The following CNNM2 variants were observed in gnomAD, a reference collection of about 807,000 sequenced individuals.
CNNM2 encodes metal transporter CNNM2.
Under a neutral mutation model 66.9 loss-of-function variants are expected in CNNM2, and 12 were observed. The observed-to-expected ratio is 0.18, with a 90% CI of 0.11 to 0.29. The LOEUF is 0.29. Ranked by LOEUF, CNNM2 falls within the 10% of genes least tolerant of loss-of-function variation. The pLI is 1.00. For synonymous variants in CNNM2, 557 were observed against 501.8 expected, an observed-to-expected ratio of 1.11 and a Z score of -1.47; for missense variants, 705 against 1,167.7, an observed-to-expected ratio of 0.60 and a Z score of 5.77.
chr10:102,926,564 C>T (rs1845867347), intron 1 of CNNM2, among the ~76,000 whole-genome samples: 1 of 152,096 alleles, frequency 6.6e-6, no homozygotes, highest in Admixed American at 6.5e-5. Flanking sequence ...ATTTTCAAAA[C>T]AGGGTCTTGC....
chr10:103,050,137 A>G (rs923295375), intron 2 of CNNM2, among the ~76,000 whole-genome samples: 3 of 152,250 alleles, frequency 2.0e-5, no homozygotes, highest in African/African-American at 4.8e-5. Flanking sequence ...TTTATTTTAC[A>G]TATGTAAAAA....
chr10:103,024,680 G>A (rs1311261747), intron 1 of CNNM2, among the ~76,000 whole-genome samples: 4 of 151,896 alleles, frequency 2.6e-5, no homozygotes, highest in African/African-American at 4.8e-5. Flanking sequence ...GGGTTTCACC[G>A]TGTTAGTCAG....
chr10:102,960,873 C>T (rs3120719), intron 1 of CNNM2, among the ~76,000 whole-genome samples: 1 of 148,880 alleles, frequency 6.7e-6, no homozygotes, highest in African/African-American at 2.5e-5. Flanking sequence ...ACAACCTCCG[C>T]CTCCTGAGTT....
intron 1 of CNNM2, among the ~76,000 whole-genome samples, chr10:102,970,672 T>C (rs1406854408): frequency 2.6e-5 from 4 of 152,220 alleles, no homozygotes; most frequent in Non-Finnish European, 5.9e-5. Context: ...ACAGGCACAG[T>C]ACCAGTACTG....
chr10:102,996,637 T>C (rs1211551863), intron 1 of CNNM2, among the ~76,000 whole-genome samples: 1 of 152,226 alleles, frequency 6.6e-6, no homozygotes, highest in East Asian at 1.9e-4. Flanking sequence ...TAAGCTGTGA[T>C]TGCCCTACTA....
intron 1 of CNNM2, among the ~76,000 whole-genome samples, chr10:103,035,960 A>G (rs1470611437): frequency 2.6e-5 from 4 of 152,202 alleles, no homozygotes; most frequent in African/African-American, 9.6e-5. Context: ...GCGCACACAC[A>G]TTAGTTTGTC....
chr10:102,941,907 A>G (rs1377800362), intron 1 of CNNM2, among the ~76,000 whole-genome samples: 3 of 152,228 alleles, frequency 2.0e-5, no homozygotes, highest in African/African-American at 7.2e-5. Context: ...TAGGTGCTTA[A>G]TAGATATTGT....
At chr10:103,032,751 G>T (rs1475539744) in intron 1 of CNNM2, among the ~76,000 whole-genome samples, 1 of 148,784 alleles carries the variant, frequency 6.7e-6, no homozygotes, top group African/African-American at 2.5e-5. Context: ...TAGCATTCTA[G>T]TGTGGATATT....
Position 103,031,891 on chromosome 10 carries a change from T to C in CNNM2, c.1622-17816T>C, listed in dbSNP as rs567670971. On this transcript the variant is annotated intron_variant, in intron 1 of 7. Coordinates refer to ENST00000369878, the MANE Select transcript of CNNM2 (RefSeq NM_017649.5). ...TTGATTTCTCCCTCTTGTTTGCATA[T>C]GCATAACTGCAGAATAAGTTTCAAG... 2.6e-5 allele frequency among the ~76,000 whole-genome samples: 4 copies of C among 152,304 alleles called. No individual in the cohort carries two copies. In the East Asian group the frequency reaches 5.8e-4, roughly 22 times the overall value.
intron 1 of CNNM2, among the ~76,000 whole-genome samples, chr10:103,015,643 C>T (rs906078017): frequency 2.0e-5 from 3 of 152,064 alleles, no homozygotes; most frequent in South Asian, 4.2e-4. Context: ...CACTTGACAT[C>T]GGGAGTTCGA....
intron 4 of CNNM2, among the ~76,000 whole-genome samples, chr10:103,057,966 G>A (rs1247502161): frequency 6.6e-6 from 1 of 152,236 alleles, no homozygotes; most frequent in Non-Finnish European, 1.5e-5. Flanking sequence ...TTGGCATGGA[G>A]GCCAAGGTGG....
intron 1 of CNNM2, among the ~76,000 whole-genome samples, chr10:103,011,608 CTG>C (rs1170756814): frequency 3.3e-5 from 5 of 149,932 alleles, no homozygotes; most frequent in African/African-American, 1.2e-4. Flanking sequence ...CAACTGGTAA[CTG>C]TTATTTAGTT....
rs570799711 is a variant in CNNM2, at chr10:103,087,372, A to G, written c.*10192A>G. The G allele has an allele frequency of 6.6e-6, 1 of 151,998 alleles. No individual in the cohort carries two copies. Among genetic ancestry groups the G allele is most frequent in the East Asian group, 1.9e-4 (1 of 5,152 alleles). 9.4% of individuals were successfully genotyped at this position (151,998 alleles called of 1,614,324 possible). On this transcript the variant is annotated 3_prime_UTR_variant, in exon 8 of 8. Coordinates refer to ENST00000369878, the MANE Select transcript of CNNM2 (RefSeq NM_017649.5). Reference sequence around the variant, plus strand: ...TTATGGAATCCTAGAGCTCTTGAATACGTTTTGGTGGTCCTACGGAGAGCT... The same window carrying G: ...TTATGGAATCCTAGAGCTCTTGAATGCGTTTTGGTGGTCCTACGGAGAGCT...
chr10:102,983,879 C>T (rs1283677924), intron 1 of CNNM2, among the ~76,000 whole-genome samples: 4 of 152,066 alleles, frequency 2.6e-5, no homozygotes, highest in Non-Finnish European at 5.9e-5. Flanking sequence ...GATCCTCCTG[C>T]CTCAGCCTCC....
chr10:102,920,627 G>A (rs1845594610), intron 1 of CNNM2, among the ~76,000 whole-genome samples: 1 of 152,092 alleles, frequency 6.6e-6, no homozygotes, highest in Admixed American at 6.6e-5. Context: ...TTCTGTTCCT[G>A]CTTGCCTGGC....
intron 3 of CNNM2, among the ~76,000 whole-genome samples, chr10:103,055,938 A>G (rs1331359535): frequency 2.0e-5 from 3 of 152,056 alleles, no homozygotes; most frequent in Non-Finnish European, 4.4e-5. Flanking sequence ...AAATACAAAA[A>G]TTAGCCAGGC....
At chr10:102,968,572 C>T (rs1308733313) in intron 1 of CNNM2, among the ~76,000 whole-genome samples, 1 of 151,560 alleles carries the variant, frequency 6.6e-6, no homozygotes, top group African/African-American at 2.4e-5. Context: ...CAACACTTGG[C>T]ATGTGAGTTA....
intron 1 of CNNM2, among the ~76,000 whole-genome samples, chr10:103,042,900 G>C (rs1367316672): frequency 4.6e-5 from 7 of 152,058 alleles, no homozygotes; most frequent in Admixed American, 4.6e-4. Context: ...GAGAGCTTTT[G>C]CTTCTTTTAT....
At chr10:102,979,202 A>G (rs976607073) in intron 1 of CNNM2, among the ~76,000 whole-genome samples, 9 of 152,122 alleles carry the variant, frequency 5.9e-5, no homozygotes, top group African/African-American at 2.2e-4. Flanking sequence ...TTACCAAATA[A>G]TTTTCCAAAA....
Sources: allele counts gnomAD v4.1 joint callset (sites outside exome capture counted in the v4.1 genomes callset), GRCh38; gene constraint gnomAD v4.1.1; transcripts MANE v1.5; gene names NCBI Gene and HGNC (gene_info 2026-07-23, HGNC 2026-07-21).